Variants in CELF2 observed in about 807,000 individuals in gnomAD.
CELF2 encodes CUGBP Elav-like family member 2.
A neutral mutation model predicts 62.6 loss-of-function variants in CELF2; 8 were observed. That is an observed-to-expected ratio of 0.13 (90% CI 0.07 to 0.23). CELF2 has a LOEUF of 0.23. Ranked by LOEUF, CELF2 falls within the 10% of genes least tolerant of loss-of-function variation. The pLI is 1.00. For synonymous variants in CELF2, 258 were observed against 250.0 expected, an observed-to-expected ratio of 1.03 and a Z score of -0.30; for missense variants, 333 against 671.0, an observed-to-expected ratio of 0.50 and a Z score of 5.56.
At chr10:11,180,200 T>A (rs917995611) in intron 2 of CELF2, among the ~76,000 whole-genome samples, 3 of 152,202 alleles carry the variant, frequency 2.0e-5, no homozygotes, top group Non-Finnish European at 2.9e-5. Context: ...CTTGCTTAGC[T>A]TTTTTCTACC....
chr10:10,730,007 C>T, the CELF2 span, among the ~76,000 whole-genome samples: 1 of 152,186 alleles, frequency 6.6e-6, no homozygotes, highest in African/African-American at 2.4e-5. Context: ...TTTCAATGCA[C>T]TTTATACATC....
the CELF2 span, among the ~76,000 whole-genome samples, chr10:10,780,512 C>T: frequency 6.6e-6 from 1 of 152,020 alleles, no homozygotes; most frequent in African/African-American, 2.4e-5. Context: ...GATGGAGTCT[C>T]GCTCTGTTGC....
intron 9 of CELF2, among the ~76,000 whole-genome samples, chr10:11,307,013 G>T (rs1034111120): frequency 1.3e-5 from 2 of 152,198 alleles, no homozygotes; most frequent in Admixed American, 6.5e-5. Flanking sequence ...CTGTGCCTAA[G>T]GAGTTCTCTG....
In CELF2 at chr10:11,296,951, A is replaced by G. The variant is rs1204382861; in HGVS notation, c.976+8399A>G. ...CACAAGCATGGACATATGGAAAAGG[A>G]TGCCCACCGGGGACCCTGAGAGCCG... On this transcript the variant is annotated intron_variant, in intron 9 of 12. Coordinates refer to ENST00000633077, the MANE Select transcript of CELF2 (RefSeq NM_001326342.2). This position sits in a 1 kb window ranked among gnomAD's most constrained non-coding sequence, Gnocchi z 5.0. 2.0e-5 allele frequency among the ~76,000 whole-genome samples: 3 copies of G among 152,252 alleles called. No individual in the cohort carries two copies. The East Asian group carries it at 5.8e-4, about 29-fold the overall frequency.
chr10:10,970,138 G>A (rs879805793), intron 2 of CELF2, among the ~76,000 whole-genome samples: 2 of 151,958 alleles, frequency 1.3e-5, no homozygotes, highest in Admixed American at 6.6e-5. Context: ...GCGCAATTTC[G>A]GCTCACTGCA....
At chr10:10,835,185 C>T (rs1244816567) in intron 1 of CELF2, among the ~76,000 whole-genome samples, 2 of 152,104 alleles carry the variant, frequency 1.3e-5, no homozygotes, top group Non-Finnish European at 2.9e-5. Context: ...AAGGGTCTCC[C>T]TCTGTCTTAC....
At chr10:10,610,063 A>T in the CELF2 span, among the ~76,000 whole-genome samples, 6 of 152,352 alleles carry the variant, frequency 3.9e-5, no homozygotes, top group South Asian at 8.3e-4. Flanking sequence ...ATTTATGTGG[A>T]TCAATATATT....
At chr10:10,577,830 G>A in the CELF2 span, among the ~76,000 whole-genome samples, 1 of 152,098 alleles carries the variant, frequency 6.6e-6, no homozygotes, top group Non-Finnish European at 1.5e-5. Flanking sequence ...ACGTGTGCAT[G>A]TGTCTTTATA....
At chr10:10,811,028 A>G (rs2055826056) in intron 1 of CELF2, among the ~76,000 whole-genome samples, 2 of 152,178 alleles carry the variant, frequency 1.3e-5, no homozygotes. Flanking sequence ...AGCCATCAGT[A>G]TCAAAATGTC....
chr10:10,517,492 C>T, the CELF2 span, among the ~76,000 whole-genome samples: 1 of 152,316 alleles, frequency 6.6e-6, no homozygotes, highest in East Asian at 1.9e-4. Context: ...CAAATAACAT[C>T]ATCACAAATA....
intron 2 of CELF2, among the ~76,000 whole-genome samples, chr10:10,994,054 T>A (rs1259034150): frequency 1.3e-5 from 2 of 152,216 alleles, no homozygotes; most frequent in Non-Finnish European, 2.9e-5. Context: ...CCACTCAGTT[T>A]ATGGTATATT....
At chr10:10,767,753 T>C in the CELF2 span, among the ~76,000 whole-genome samples, 1 of 152,120 alleles carries the variant, frequency 6.6e-6, no homozygotes, top group African/African-American at 2.4e-5. Flanking sequence ...TCCCAGCACT[T>C]TGGGAGGCCG....
At chr10:10,564,315 G>C in the CELF2 span, among the ~76,000 whole-genome samples, 1 of 152,130 alleles carries the variant, frequency 6.6e-6, no homozygotes, top group Non-Finnish European at 1.5e-5. Context: ...CAGAAATGGC[G>C]ACACATCAAC....
At chr10:10,718,492 C>T in the CELF2 span, among the ~76,000 whole-genome samples, 2 of 151,926 alleles carry the variant, frequency 1.3e-5, no homozygotes, top group African/African-American at 2.4e-5. Flanking sequence ...GGCATGGTGG[C>T]GGGCACCTGT....
At position 11,286,269 on chromosome 10, in the gene CELF2, T is replaced by A. The variant is rs147577554; in HGVS notation, c.842-2149T>A. On this transcript the variant is annotated intron_variant, in intron 8 of 12. Coordinates refer to ENST00000633077, the MANE Select transcript of CELF2 (RefSeq NM_001326342.2). ...ATATATGTCCTGGAGGGGGACCCGC[T>A]GGCCTAAGCCTAGAATGGTGGCTCT... is the stretch of plus-strand genomic sequence containing the variant. Among the ~76,000 whole-genome samples, 5 of 152,348 alleles carry A rather than the reference T, an allele frequency of 3.3e-5. No homozygotes were observed. In the East Asian group the frequency reaches 9.7e-4, roughly 29 times the overall value.
At chr10:10,842,590 C>T (rs1222246257) in intron 1 of CELF2, among the ~76,000 whole-genome samples, 1 of 151,944 alleles carries the variant, frequency 6.6e-6, no homozygotes, top group Non-Finnish European at 1.5e-5. Context: ...TAGTAGATTA[C>T]ATTAATTGAT....
intron 8 of CELF2, among the ~76,000 whole-genome samples, chr10:11,286,383 G>T (rs984122844): frequency 3.9e-5 from 6 of 152,264 alleles, no homozygotes; most frequent in Admixed American, 1.3e-4. Flanking sequence ...TATGTTGGTG[G>T]TGTGGTCTGG....
intron 1 of CELF2, among the ~76,000 whole-genome samples, chr10:10,864,319 C>T (rs1428223942): frequency 6.6e-6 from 1 of 152,048 alleles, no homozygotes. Flanking sequence ...CATTAGCAAC[C>T]CATGCATATC....
rs1409080591 is a variant in CELF2, at chr10:11,075,742, AAGG to A, written c.74+57585_74+57587del. Among the ~76,000 whole-genome samples, 2 of 152,044 alleles carry A rather than the reference AAGG, an allele frequency of 1.3e-5. No homozygotes were observed. The highest frequency in any genetic ancestry group is 2.9e-5 in the Non-Finnish European group (2 of 68,024). On this transcript the variant is annotated intron_variant, in intron 1 of 12. Transcript: ENST00000633077. This position sits in a 1 kb window ranked among gnomAD's most constrained non-coding sequence, Gnocchi z 5.4. ...GTGAGCAGCCATCAGCGTTCTTAGG[AAGG>A]AGGAGTGATTCCTGAAGGATCCAGG...
Sources: allele counts gnomAD v4.1 joint callset (sites outside exome capture counted in the v4.1 genomes callset), GRCh38; gene constraint gnomAD v4.1.1; non-coding constraint Gnocchi (gnomAD v3.1); transcripts MANE v1.5; gene names NCBI Gene and HGNC (gene_info 2026-07-23, HGNC 2026-07-21).